FAM135A: variants seen among roughly 807,000 people sequenced by gnomAD.
FAM135A encodes family with sequence similarity 135 member A, also known as protein FAM135A.
FAM135A carries 79 observed loss-of-function variants against 146.8 expected under a neutral mutation model. The ratio of observed to expected loss-of-function variants is 0.54; its 90% CI spans 0.45 to 0.65. FAM135A has a LOEUF of 0.65. Among genes scored for constraint, FAM135A ranks in the 30% least tolerant of loss-of-function variants. The pLI is 0.00. For missense variants in FAM135A, 1,623 were observed against 1,758.2 expected (o/e 0.92, Z 1.38); for synonymous variants, 562 against 603.6 (o/e 0.93, Z 1.01).
chr6:70,517,160 C>T (rs776880140), intron 12 of FAM135A, among the ~76,000 whole-genome samples: 10 of 152,136 alleles, frequency 6.6e-5, no homozygotes, highest in Non-Finnish European at 1.3e-4. Context: ...TCCAATTTGG[C>T]TATAACTATA....
chr6:70,479,521 G>T (rs936825560), intron 8 of FAM135A, among the ~76,000 whole-genome samples: 9 of 152,158 alleles, frequency 5.9e-5, no homozygotes, highest in African/African-American at 2.2e-4. Context: ...AAAAGCAGCA[G>T]CATCTTTACC....
At chr6:70,420,546 G>C (rs1253310579) in intron 2 of FAM135A, among the ~76,000 whole-genome samples, 1 of 152,156 alleles carries the variant, frequency 6.6e-6, no homozygotes, top group Non-Finnish European at 1.5e-5. Flanking sequence ...TGTAGTCTTA[G>C]GAACTTTGTA....
In FAM135A at chr6:70,524,354, C is replaced by A; in HGVS notation, c.1270C>A (p.Pro424Thr). Residue 424 changes from proline (P) to threonine (T), a missense_variant, in exon 15 of 22, where the codon CCC becomes ACC. Around this residue, in one of 7 missense-constraint regions of FAM135A, gnomAD observed 1,061 missense variants for 1,113.8 expected, o/e 0.95. Coordinates refer to ENST00000418814, the MANE Select transcript of FAM135A (RefSeq NM_001162529.3). ...TCTTTGGATAAAAGACTTAGATGCA[C>A]CCTGGATGGGAATTCAGAATCTTCA... ...LDSVTEDLDA[P>T]WMGIQNLQRS... The A allele has an allele frequency of 1.3e-6, 2 of 1,486,636 alleles. No homozygotes were observed. Among genetic ancestry groups the A allele is most frequent in the Non-Finnish European group, 1.8e-6 (2 of 1,123,758 alleles). 92.1% of individuals were successfully genotyped at this position (1,486,636 alleles called of 1,614,324 possible). A position where few individuals can be genotyped will look rare whatever the true frequency, so the allele number is the denominator to read the frequency against.
intron 4 of FAM135A, among the ~76,000 whole-genome samples, chr6:70,429,538 TA>T (rs918386554): frequency 1.3e-5 from 2 of 150,002 alleles, no homozygotes; most frequent in Non-Finnish European, 3.0e-5. Flanking sequence ...AAATAAAAAT[TA>T]AAAAAAAAGA....
At chr6:70,501,131 GA>G (rs1788396936) in intron 11 of FAM135A, among the ~76,000 whole-genome samples, 1 of 152,206 alleles carries the variant, frequency 6.6e-6, no homozygotes, top group African/African-American at 2.4e-5. Flanking sequence ...CTGTCCCAGG[GA>G]GATGGGAGTT....
At chr6:70,532,792 C>T (rs1796070821) in intron 16 of FAM135A, among the ~76,000 whole-genome samples, 1 of 152,092 alleles carries the variant, frequency 6.6e-6, no homozygotes, top group Admixed American at 6.6e-5. Flanking sequence ...ATTAGCTGGG[C>T]ATGGTGGGAT....
chr6:70,495,375 T>C (rs545770660), intron 11 of FAM135A, among the ~76,000 whole-genome samples: 1 of 152,338 alleles, frequency 6.6e-6, no homozygotes, highest in East Asian at 1.9e-4. Context: ...GAATTACTAC[T>C]ATGTACCAGT....
chr6:70,453,945 G>A (rs549528184), intron 5 of FAM135A, among the ~76,000 whole-genome samples: 1 of 152,138 alleles, frequency 6.6e-6, no homozygotes, highest in Non-Finnish European at 1.5e-5. Context: ...AGATCGCTGG[G>A]TCAAACGATA....
intron 11 of FAM135A, among the ~76,000 whole-genome samples, chr6:70,496,615 T>C (rs1787339853): frequency 6.6e-6 from 1 of 152,238 alleles, no homozygotes. Context: ...CTAGGTTTTC[T>C]TGTAGAGTTT....
chr6:70,451,299 T>C (rs1032683800), intron 4 of FAM135A, among the ~76,000 whole-genome samples: 8 of 152,160 alleles, frequency 5.3e-5, no homozygotes, highest in Admixed American at 2.0e-4. Flanking sequence ...TACCACTGTT[T>C]AGTATTAATT....
chr6:70,457,742 A>C (rs1778642018), intron 5 of FAM135A, among the ~76,000 whole-genome samples: 1 of 152,214 alleles, frequency 6.6e-6, no homozygotes, highest in Non-Finnish European at 1.5e-5. Context: ...TTCAATCTCT[A>C]GGTCATTGGT....
intron 4 of FAM135A, among the ~76,000 whole-genome samples, chr6:70,435,097 ATATATATATATATT>A (rs1007058122): frequency 1.7e-5 from 2 of 120,842 alleles, no homozygotes; most frequent in Admixed American, 8.4e-5. Flanking sequence ...ATATATATAT[ATATATATATATATT>A]TTTTTTTTTT....
rs555716149 is a variant in FAM135A at position 70,526,792 on chromosome 6, CACACACACACATAT to C, written c.3614+96_3614+109del. 3,950 of 780,918 alleles carry C rather than the reference CACACACACACATAT, an allele frequency of 5.1e-3. 122 individuals are homozygous for C. In the African/African-American group the frequency reaches 0.072, roughly 14 times the overall value. 48.4% of individuals were successfully genotyped at this position (780,918 alleles called of 1,614,324 possible). Reference sequence around the variant, plus strand: ...ACACACACACACACACACACACACACACACACACACATATATATATAAAATCATAGATAGTGCTA... The same window carrying C: ...ACACACACACACACACACACACACACATATATAAAATCATAGATAGTGCTA... On this transcript the variant is annotated intron_variant, in intron 15 of 21. Coordinates refer to ENST00000418814, the MANE Select transcript of FAM135A (RefSeq NM_001162529.3).
intron 12 of FAM135A, chr6:70,504,173 G>A (rs1216896794): frequency 2.0e-5 from 3 of 152,200 alleles, no homozygotes; most frequent in Non-Finnish European, 4.4e-5. Context: ...ACTGATGGAT[G>A]CGAAATGGTA....
intron 20 of FAM135A, among the ~76,000 whole-genome samples, chr6:70,544,288 C>G (rs986007299): frequency 3.3e-5 from 5 of 152,096 alleles, no homozygotes; most frequent in African/African-American, 1.2e-4. Context: ...CCTGTAATCC[C>G]AGCACTTTGG....
rs1233641159 is a variant in FAM135A at position 70,482,104 on chromosome 6, A to G, written c.773A>G (p.Tyr258Cys). Reference protein sequence around the residue: ...LLLAFKGLHSYFITVTEEIPS... With the variant: ...LLLAFKGLHSCFITVTEEIPS... ...CTAGCCTTCAAGGGATTGCACAGCT[A>G]CTTCATTACAGTAACAGAAGAGATT... The change falls in exon 10 of 22, where the codon TAC becomes TGC. Residue 258 changes from tyrosine to cysteine, a missense_variant. Transcript: ENST00000418814. 1.2e-6 allele frequency: 2 copies of G among 1,613,642 alleles called. No homozygotes were observed. Among genetic ancestry groups the G allele is most frequent in the African/African-American group, 1.3e-5 (1 of 74,912 alleles).
chr6:70,461,653 TGAAGA>T (rs1171062201), intron 5 of FAM135A, among the ~76,000 whole-genome samples: 2 of 152,258 alleles, frequency 1.3e-5, no homozygotes, highest in African/African-American at 4.8e-5. Context: ...AAGGAAGAAC[TGAAGA>T]GAAGAAGAGA....
intron 5 of FAM135A, among the ~76,000 whole-genome samples, chr6:70,453,918 G>A (rs974339304): frequency 3.3e-5 from 5 of 152,110 alleles, no homozygotes; most frequent in African/African-American, 1.2e-4. Flanking sequence ...AATCCTTTGG[G>A]TATATACCCA....
chr6:70,540,884 T>G (rs1471395212), intron 20 of FAM135A, among the ~76,000 whole-genome samples: 1 of 152,200 alleles, frequency 6.6e-6, no homozygotes, highest in African/African-American at 2.4e-5. Context: ...TAGCTTCCTA[T>G]CTATTCCCTT....
Sources: allele counts gnomAD v4.1 joint callset (sites outside exome capture counted in the v4.1 genomes callset), GRCh38; gene constraint gnomAD v4.1.1; regional missense constraint gnomAD v4.1.1; transcripts MANE v1.5; gene names NCBI Gene and HGNC (gene_info 2026-07-23, HGNC 2026-07-21).